The following ADD3 variants were observed in gnomAD, a reference collection of about 807,000 sequenced individuals.
ADD3 encodes gamma-adducin.
In ADD3, 25 loss-of-function variants were observed where a neutral mutation model predicts 80.2. That is an observed-to-expected ratio of 0.31 (90% CI 0.23 to 0.44). The LOEUF is 0.44. Ranked by LOEUF, ADD3 falls within the 20% of genes least tolerant of loss-of-function variation. ADD3 has a pLI of 1.00. For synonymous variants in ADD3, 284 were observed against 289.6 expected (o/e 0.98, Z 0.20); for missense variants, 829 against 847.5 (o/e 0.98, Z 0.27).
intron 13 of ADD3, 109 bp from the exon 14 acceptor site, chr10:110,132,195 AT>A: frequency 1.5e-6 from 1 of 689,232 alleles, no homozygotes; most frequent in East Asian, 2.5e-5. Flanking sequence ...CTGCTGAAGA[AT>A]TTATCATCTC....
chr10:110,081,565 A>G (rs900332024), intron 1 of ADD3, among the ~76,000 whole-genome samples: 2 of 152,228 alleles, frequency 1.3e-5, no homozygotes, highest in African/African-American at 4.8e-5. Flanking sequence ...ACTCTTCTGT[A>G]TGAGGCTCTG....
chr10:110,049,156 G>GT (rs1325501720), intron 1 of ADD3, among the ~76,000 whole-genome samples: 1 of 152,228 alleles, frequency 6.6e-6, no homozygotes, highest in Non-Finnish European at 1.5e-5. Flanking sequence ...TTTTGAGCCT[G>GT]TGGGTGCACA....
intron 1 of ADD3, among the ~76,000 whole-genome samples, chr10:110,062,977 C>T (rs1009321315): frequency 1.3e-5 from 2 of 152,140 alleles, no homozygotes; most frequent in Non-Finnish European, 2.9e-5. Flanking sequence ...ATTATCTCTC[C>T]CCAGCAGAAA....
chr10:110,129,458 T>C (rs1440944735), intron 12 of ADD3, among the ~76,000 whole-genome samples: 1 of 152,114 alleles, frequency 6.6e-6, no homozygotes, highest in South Asian at 2.1e-4. Context: ...CTAGTTTTTC[T>C]TTCTCAAGCC....
chr10:110,052,188 A>G (rs1218658238), intron 1 of ADD3, among the ~76,000 whole-genome samples: 1 of 152,204 alleles, frequency 6.6e-6, no homozygotes, highest in African/African-American at 2.4e-5. Context: ...ATTTTCTTTT[A>G]TAGAGGGATC....
rs568072339 is a variant in ADD3, at chr10:110,089,589, A to G, written c.-29-11036A>G. Reference sequence around the variant, plus strand: ...ATTATATTTTGTAGAAAGGAGAGTAAAGGCTCACCAAGGCTGTGTGTCTTT... The same window carrying G: ...ATTATATTTTGTAGAAAGGAGAGTAGAGGCTCACCAAGGCTGTGTGTCTTT... On this transcript the variant is annotated intron_variant, in intron 1 of 14. Coordinates refer to ENST00000356080, the MANE Select transcript of ADD3 (RefSeq NM_016824.5). 2.0e-5 allele frequency among the ~76,000 whole-genome samples: 3 copies of G among 152,228 alleles called. No homozygotes were observed. In the South Asian group the frequency reaches 6.2e-4, roughly 32 times the overall value.
Position 110,133,569 on chromosome 10 carries a change from CT to C in ADD3, c.2073del (p.Pro692LeufsTer4). ...TCCAAGAAAAAGAAGAAATTCCGCA[CT>C]CCTTCTTTTCTGAAAAAGAACAAAA... The part of the protein sequence containing the change: ...SPSKKKKKFR[T>X]PSFLKKNKKK... On this transcript the variant is annotated frameshift_variant, in exon 15 of 15. Coordinates refer to ENST00000356080, the MANE Select transcript of ADD3 (RefSeq NM_016824.5). LOFTEE classifies it high-confidence loss of function. 6.2e-7 allele frequency: 1 copy of C among 1,606,110 alleles called. No homozygotes were observed. Among genetic ancestry groups the C allele is most frequent in the Non-Finnish European group, 8.5e-7 (1 of 1,177,608 alleles).
At chr10:110,073,216 C>A (rs1478804759) in intron 1 of ADD3, among the ~76,000 whole-genome samples, 4 of 143,574 alleles carry the variant, frequency 2.8e-5, no homozygotes, top group African/African-American at 5.3e-5. Context: ...TATGTCGGCT[C>A]ACTGCAAGCT....
chr10:110,071,631 A>G (rs1373067025), intron 1 of ADD3, among the ~76,000 whole-genome samples: 2 of 152,056 alleles, frequency 1.3e-5, no homozygotes, highest in Non-Finnish European at 2.9e-5. Context: ...TTTCTTTTTC[A>G]TGTAGTCTGT....
upstream of ADD3, among the ~76,000 whole-genome samples, chr10:110,007,767 C>G (rs1206108869): frequency 6.6e-6 from 1 of 151,042 alleles, no homozygotes; most frequent in South Asian, 2.1e-4. Flanking sequence ...GAGGGGCGCT[C>G]GGGGCGGGGC....
rs575128880 is a variant in ADD3, at chr10:110,134,526, T to A, written c.*908T>A. The A allele has an allele frequency of 6.6e-6, 1 of 152,430 alleles. No homozygotes were observed. The highest frequency in any genetic ancestry group is 1.5e-5 in the Non-Finnish European group (1 of 68,020). The allele number at this position is 152,430 out of a possible 1,614,324, so 9.4% of individuals were successfully genotyped here. ...AGAGCATGTAAAGGTACATCTAGAT[T>A]CATATTTGAATCTTAAACTGTATTT... is the stretch of plus-strand genomic sequence containing the variant. On this transcript the variant is annotated 3_prime_UTR_variant, in exon 15 of 15. Coordinates refer to ENST00000356080, the MANE Select transcript of ADD3 (RefSeq NM_016824.5).
chr10:110,005,219 G>A (rs1366767056), upstream of ADD3, among the ~76,000 whole-genome samples: 1 of 151,740 alleles, frequency 6.6e-6, no homozygotes, highest in African/African-American at 2.4e-5. Flanking sequence ...CTGCCACCAC[G>A]CCCGGCTAAT....
rs544248719 is a variant in ADD3 at position 110,123,599 on chromosome 10, T to C, written c.1144-418T>C. 2.6e-5 allele frequency among the ~76,000 whole-genome samples: 4 copies of C among 152,324 alleles called. No individual in the cohort carries two copies. In the South Asian group the frequency reaches 8.3e-4, roughly 32 times the overall value. ...TTTTGGATAGTAACCCCTTAAAAGA[T>C]GTATGGTTTGGCAAATGTTATTTTA... On this transcript the variant is annotated intron_variant, in intron 9 of 14. Transcript: ENST00000356080.
intron 8 of ADD3, among the ~76,000 whole-genome samples, chr10:110,121,175 A>G (rs1368853951): frequency 1.3e-5 from 2 of 152,100 alleles, no homozygotes; most frequent in Non-Finnish European, 2.9e-5. Flanking sequence ...TAAAGGCCCT[A>G]ATTTTCTCTT....
intron 1 of ADD3, among the ~76,000 whole-genome samples, chr10:110,096,392 A>G (rs1029547468): frequency 6.6e-6 from 1 of 152,308 alleles, no homozygotes; most frequent in East Asian, 1.9e-4. Context: ...AGCTAATGCC[A>G]GGTTTTCAGT....
chr10:110,001,957 T>C (rs1258771239), upstream of ADD3, among the ~76,000 whole-genome samples: 1 of 152,212 alleles, frequency 6.6e-6, no homozygotes, highest in African/African-American at 2.4e-5. Context: ...CACATAGCAA[T>C]TGCATTTTTT....
intron 1 of ADD3, among the ~76,000 whole-genome samples, chr10:110,018,237 A>G (rs1259302172): frequency 6.6e-6 from 1 of 152,164 alleles, no homozygotes; most frequent in Non-Finnish European, 1.5e-5. Flanking sequence ...AAGAAAAGAG[A>G]TGGAGTGGGC....
intron 1 of ADD3, among the ~76,000 whole-genome samples, chr10:109,999,077 A>G (rs536708119): frequency 6.6e-6 from 1 of 152,264 alleles, no homozygotes; most frequent in Admixed American, 6.5e-5. Context: ...TTAATGAGTG[A>G]AAATAACTGA....
chr10:110,109,206 C>T (rs1383425010), intron 2 of ADD3, among the ~76,000 whole-genome samples: 1 of 152,006 alleles, frequency 6.6e-6, no homozygotes, highest in Non-Finnish European at 1.5e-5. Flanking sequence ...AATTGTGATT[C>T]TCTTGAGTAC....
Sources: allele counts gnomAD v4.1 joint callset (sites outside exome capture counted in the v4.1 genomes callset), GRCh38; gene constraint gnomAD v4.1.1; transcripts MANE v1.5; gene names NCBI Gene and HGNC (gene_info 2026-07-23, HGNC 2026-07-21).